GPC6: variants seen among roughly 807,000 people sequenced by gnomAD.
GPC6 encodes glypican-6.
In GPC6, 14 loss-of-function variants were observed where a neutral mutation model predicts 55.2. That is an observed-to-expected ratio of 0.25 (90% CI 0.17 to 0.40). The LOEUF is 0.40. Ranked by LOEUF, GPC6 falls within the 10% of genes least tolerant of loss-of-function variation. The pLI is 1.00. For missense variants in GPC6, 641 were observed against 708.5 expected (o/e 0.90, Z 1.08); for synonymous variants, 278 against 259.6 (o/e 1.07, Z -0.68).
At chr13:93,465,188 GA>G (rs903119973) in intron 1 of GPC6, among the ~76,000 whole-genome samples, 11 of 152,122 alleles carry the variant, frequency 7.2e-5, no homozygotes, top group African/African-American at 2.7e-4. Flanking sequence ...TATGATTTTT[GA>G]AATGGCGAAT....
At chr13:93,276,861 C>G (rs1877773184) in intron 1 of GPC6, among the ~76,000 whole-genome samples, 1 of 152,190 alleles carries the variant, frequency 6.6e-6, no homozygotes, top group East Asian at 1.9e-4. Context: ...TTCTTTCCAG[C>G]TTACTTCTTT....
chr13:93,673,693 C>G (rs899532541), intron 2 of GPC6, among the ~76,000 whole-genome samples: 5 of 152,086 alleles, frequency 3.3e-5, no homozygotes. Flanking sequence ...TAAAATTCAA[C>G]CACAATGGTT....
intron 2 of GPC6, among the ~76,000 whole-genome samples, chr13:93,576,652 T>G (rs1021197482): frequency 6.6e-6 from 1 of 152,160 alleles, no homozygotes; most frequent in African/African-American, 2.4e-5. Context: ...GATAGTGTCA[T>G]GCTAACGTAC....
At position 94,382,533 on chromosome 13, in the gene GPC6, C is replaced by G; in HGVS notation, c.1272C>G (p.Asn424Lys). The G allele has an allele frequency of 6.2e-7, 1 of 1,614,114 alleles. No homozygotes were observed. Among genetic ancestry groups the G allele is most frequent in the Non-Finnish European group, 8.5e-7 (1 of 1,180,022 alleles). The change falls in exon 7 of 9, where the codon AAC (asparagine) becomes AAG (lysine). Residue 424 changes from asparagine to lysine, a missense_variant. Asn to Lys is a moderately conservative substitution (Grantham distance 94). Transcript: ENST00000377047. ...AGTSNEEECWNGHSKARYLPE... is the reference protein window; with the variant it reads ...AGTSNEEECWKGHSKARYLPE... ...CGTCCAACGAGGAGGAATGCTGGAA[C>G]GGGCACAGCAAAGCCAGGTGAGGGT...
intron 1 of GPC6, among the ~76,000 whole-genome samples, chr13:93,238,677 G>C (rs961507746): frequency 6.9e-6 from 1 of 144,364 alleles, no homozygotes; most frequent in Admixed American, 7.0e-5. Flanking sequence ...TGTTCTTATG[G>C]GGGGATGCTT....
intron 3 of GPC6, among the ~76,000 whole-genome samples, chr13:93,901,511 G>A (rs1336787256): frequency 6.6e-6 from 1 of 152,054 alleles, no homozygotes; most frequent in Non-Finnish European, 1.5e-5. Context: ...TACTGATTTT[G>A]TTCTGAAACC....
At chr13:94,237,291 C>T (rs1890907571) in intron 4 of GPC6, among the ~76,000 whole-genome samples, 1 of 148,920 alleles carries the variant, frequency 6.7e-6, no homozygotes, top group African/African-American at 2.6e-5. Context: ...CCCCTTTCTT[C>T]CTCCCTTCCT....
intron 7 of GPC6, among the ~76,000 whole-genome samples, chr13:94,386,754 T>G (rs1020387622): frequency 2.0e-5 from 3 of 152,212 alleles, no homozygotes; most frequent in Non-Finnish European, 4.4e-5. Flanking sequence ...CAGACATTTC[T>G]TCCTCTCTTT....
At chr13:93,862,234 G>A (rs1888835467) in intron 3 of GPC6, among the ~76,000 whole-genome samples, 1 of 151,622 alleles carries the variant, frequency 6.6e-6, no homozygotes, top group African/African-American at 2.4e-5. Flanking sequence ...CACAGTAACA[G>A]CTAAATGCCA....
intron 4 of GPC6, among the ~76,000 whole-genome samples, chr13:94,039,823 C>T (rs937949215): frequency 6.6e-6 from 1 of 151,856 alleles, no homozygotes; most frequent in African/African-American, 2.4e-5. Context: ...ATCATACTGC[C>T]TTTACCCCTA....
chr13:93,857,999 A>G (rs953893920), intron 3 of GPC6, among the ~76,000 whole-genome samples: 1 of 151,526 alleles, frequency 6.6e-6, no homozygotes, highest in Non-Finnish European at 1.5e-5. Flanking sequence ...ATTGCTGCTA[A>G]CATACATTAA....
At chr13:94,113,319 A>G (rs1372458630) in intron 4 of GPC6, among the ~76,000 whole-genome samples, 1 of 152,056 alleles carries the variant, frequency 6.6e-6, no homozygotes, top group African/African-American at 2.4e-5. Flanking sequence ...TTATTTTTAA[A>G]TGGACCCTCA....
At chr13:94,267,800 G>A (rs531607067) in intron 4 of GPC6, among the ~76,000 whole-genome samples, 12 of 152,174 alleles carry the variant, frequency 7.9e-5, no homozygotes, top group African/African-American at 2.4e-4. Context: ...CCGTAGAAAC[G>A]CAAGCTAATA....
intron 4 of GPC6, among the ~76,000 whole-genome samples, chr13:94,205,426 A>G (rs910964417): frequency 6.6e-6 from 1 of 152,182 alleles, no homozygotes; most frequent in African/African-American, 2.4e-5. Flanking sequence ...TTTGATGTTT[A>G]TCTTGTTTAA....
intron 4 of GPC6, among the ~76,000 whole-genome samples, chr13:94,125,721 C>CT (rs5805850): frequency 1.4e-4 from 21 of 146,492 alleles, no homozygotes; most frequent in South Asian, 4.4e-4. Context: ...AATTTCTTGC[C>CT]TTTTTTTTTT....
At chr13:93,915,723 T>A (rs1040212408) in intron 3 of GPC6, among the ~76,000 whole-genome samples, 1 of 152,176 alleles carries the variant, frequency 6.6e-6, no homozygotes, top group Non-Finnish European at 1.5e-5. Context: ...GAACCACCTC[T>A]TTGACCTGAA....
At chr13:94,118,879 G>A (rs1886526144) in intron 4 of GPC6, among the ~76,000 whole-genome samples, 3 of 152,016 alleles carry the variant, frequency 2.0e-5, no homozygotes, top group Admixed American at 6.6e-5. Flanking sequence ...GCTTCAGAGA[G>A]TGTCTCTGGG....
At chr13:93,904,906 C>T (rs1876555722) in intron 3 of GPC6, among the ~76,000 whole-genome samples, 1 of 151,254 alleles carries the variant, frequency 6.6e-6, no homozygotes, top group African/African-American at 2.4e-5. Context: ...AGGTATATCT[C>T]CCAATGCTAT....
intron 1 of GPC6, among the ~76,000 whole-genome samples, chr13:93,481,936 C>A (rs1879537171): frequency 6.6e-6 from 1 of 152,084 alleles, no homozygotes; most frequent in South Asian, 2.1e-4. Flanking sequence ...ATGAGCTTGT[C>A]AATTTTTTTA....
Sources: gnomAD v4.1 joint callset for allele counts (sites outside exome capture counted in the v4.1 genomes callset) on GRCh38, gnomAD v4.1.1 for gene constraint, MANE v1.5 for transcripts, NCBI Gene and HGNC (gene_info 2026-07-23, HGNC 2026-07-21) for gene names.